SLC2A13: variants seen among roughly 807,000 people sequenced by gnomAD.
The protein encoded by SLC2A13 is proton myo-inositol cotransporter.
Under a neutral mutation model 64.4 loss-of-function variants are expected in SLC2A13, and 32 were observed. The observed-to-expected ratio is 0.50, with a 90% CI of 0.37 to 0.67. SLC2A13 has a LOEUF of 0.67. Ranked by LOEUF, SLC2A13 falls within the 30% of genes least tolerant of loss-of-function variation. The probability of loss-of-function intolerance (pLI) is 0.00; values close to 1 mark genes in which losing one functional copy is unlikely to be tolerated. For synonymous variants in SLC2A13, 338 were observed against 327.1 expected, an observed-to-expected ratio of 1.03 and a Z score of -0.36; for missense variants, 743 against 829.2, an observed-to-expected ratio of 0.90 and a Z score of 1.28.
intron 4 of SLC2A13, among the ~76,000 whole-genome samples, chr12:39,912,355 G>C (rs1308515334): frequency 6.6e-6 from 1 of 151,928 alleles, no homozygotes; most frequent in Non-Finnish European, 1.5e-5. Flanking sequence ...GGACAAGAAG[G>C]AAAACTACCA....
At chr12:39,805,107 C>T (rs1010412677) in intron 7 of SLC2A13, among the ~76,000 whole-genome samples, 6 of 125,580 alleles carry the variant, frequency 4.8e-5, no homozygotes, top group Non-Finnish European at 1.0e-4. Flanking sequence ...TCAGTGACGA[C>T]AATGGAGGGA....
intron 4 of SLC2A13, among the ~76,000 whole-genome samples, chr12:39,918,020 T>C (rs1242630862): frequency 6.6e-6 from 1 of 152,076 alleles, no homozygotes; most frequent in African/African-American, 2.4e-5. Flanking sequence ...AATGAGGAAA[T>C]GTGCATACAA....
intron 7 of SLC2A13, among the ~76,000 whole-genome samples, chr12:39,799,927 C>G (rs1454991877): frequency 6.6e-6 from 1 of 152,142 alleles, no homozygotes; most frequent in Non-Finnish European, 1.5e-5. Context: ...CTGTCAGAAT[C>G]CTTAGAGTAA....
Position 39,896,084 on chromosome 12 carries a change from A to ATG in SLC2A13, c.1035-24124_1035-24123insCA, listed in dbSNP as rs148438800. Among the ~76,000 whole-genome samples the ATG allele has an allele frequency of 4.2e-3, 5 of 1,202 alleles. 1 individual carries two copies. Among genetic ancestry groups the ATG allele is most frequent in the Admixed American group, 0.021 (3 of 146 alleles). The allele number at this position is 1,202 out of a possible 152,430, so 0.8% of individuals were successfully genotyped here. The stretch of plus-strand genomic sequence containing the variant: ...CATACATATATGTATACACGTGTAC[A>ATG]TATATGTATACACGTGTATACATAT... On this transcript the variant is annotated intron_variant, in intron 4 of 9. Coordinates refer to ENST00000280871, the MANE Select transcript of SLC2A13 (RefSeq NM_052885.4).
chr12:39,901,008 T>A lies in SLC2A13; in HGVS notation c.1035-29047A>T, dbSNP rs1001748717. ...AAACAGAGATATAGATCAATGGAAC[T>A]GAACAGAGCCCTCAGAAATAACACT... On this transcript the variant is annotated intron_variant, in intron 4 of 9. Transcript: ENST00000280871. Among the ~76,000 whole-genome samples the A allele has an allele frequency of 3.3e-5, 5 of 152,144 alleles. No homozygotes were observed. In the Middle Eastern group the frequency reaches 0.01, roughly 310 times the overall value.
intron 6 of SLC2A13, among the ~76,000 whole-genome samples, chr12:39,856,838 C>T (rs904541381): frequency 2.6e-5 from 4 of 152,232 alleles, no homozygotes; most frequent in East Asian, 3.9e-4. Context: ...GAATTGTTTT[C>T]GTTTCATACA....
chr12:39,853,231 G>A (rs1163527027), intron 6 of SLC2A13, among the ~76,000 whole-genome samples: 1 of 152,104 alleles, frequency 6.6e-6, no homozygotes, highest in Non-Finnish European at 1.5e-5. Flanking sequence ...CTCTCTGGGT[G>A]GGGTTCAGGG....
At chr12:40,087,098 C>T (rs1464024655) in intron 1 of SLC2A13, among the ~76,000 whole-genome samples, 1 of 152,192 alleles carries the variant, frequency 6.6e-6, no homozygotes, top group African/African-American at 2.4e-5. Flanking sequence ...CAACCACACA[C>T]ATCCTCCTCA....
chr12:39,888,271 C>G (rs904216659), intron 4 of SLC2A13, among the ~76,000 whole-genome samples: 11 of 152,176 alleles, frequency 7.2e-5, no homozygotes, highest in Admixed American at 6.6e-4. Flanking sequence ...GTCACCCAGG[C>G]TGGAGTGCAG....
intron 3 of SLC2A13, among the ~76,000 whole-genome samples, chr12:40,012,283 A>G (rs558577101): frequency 1.1e-4 from 17 of 152,320 alleles, no homozygotes; most frequent in African/African-American, 4.1e-4. Context: ...GGAGTTTATT[A>G]TATTTTATTA....
At chr12:39,891,134 C>G (rs884866) in intron 4 of SLC2A13, among the ~76,000 whole-genome samples, 74,776 of 148,190 alleles carry the variant, frequency 0.5, 19,256 homozygotes, top group Middle Eastern at 0.57. Flanking sequence ...TTTTTTTTAA[C>G]ATTTAATTTT....
intron 4 of SLC2A13, among the ~76,000 whole-genome samples, chr12:39,935,540 T>C (rs1455035248): frequency 6.6e-6 from 1 of 152,178 alleles, no homozygotes; most frequent in African/African-American, 2.4e-5. Context: ...ATCTAGCTGG[T>C]TCTCCCTGGG....
chr12:39,761,977 G>C (rs73095648), intron 9 of SLC2A13, among the ~76,000 whole-genome samples: 2,865 of 152,162 alleles, frequency 0.019, 84 homozygotes, highest in African/African-American at 0.063. Flanking sequence ...CATTTGTTGG[G>C]TTAGGAAGAT....
intron 1 of SLC2A13, among the ~76,000 whole-genome samples, chr12:40,081,438 G>C (rs2136284218): frequency 6.6e-6 from 1 of 152,218 alleles, no homozygotes; most frequent in East Asian, 1.9e-4. Flanking sequence ...CAAAGAACTG[G>C]TCTTCAAGCT....
intron 7 of SLC2A13, among the ~76,000 whole-genome samples, chr12:39,780,150 A>C (rs1400751964): frequency 6.6e-6 from 1 of 152,234 alleles, no homozygotes; most frequent in Non-Finnish European, 1.5e-5. Context: ...ATATTACTTC[A>C]TTTAAATCTG....
intron 3 of SLC2A13, among the ~76,000 whole-genome samples, chr12:39,962,399 C>G (rs935867791): frequency 1.3e-5 from 2 of 152,200 alleles, no homozygotes; most frequent in African/African-American, 4.8e-5. Flanking sequence ...CCATGGGTTA[C>G]TCTTGAAGGC....
At chr12:39,874,795 G>A (rs1944142101) in intron 4 of SLC2A13, among the ~76,000 whole-genome samples, 2 of 152,142 alleles carry the variant, frequency 1.3e-5, no homozygotes, top group African/African-American at 4.8e-5. Context: ...TCTGTTCTAT[G>A]AAGACATTAC....
intron 1 of SLC2A13, among the ~76,000 whole-genome samples, chr12:40,079,978 C>T (rs1210715011): frequency 6.6e-6 from 1 of 152,144 alleles, no homozygotes; most frequent in Non-Finnish European, 1.5e-5. Context: ...ATTACCATGC[C>T]TCAGCCTCCC....
At position 39,929,819 on chromosome 12, in the gene SLC2A13, C is replaced by T. The variant is rs115341133; in HGVS notation, c.1034+21438G>A. On this transcript the variant is annotated intron_variant, in intron 4 of 9. Coordinates refer to ENST00000280871, the MANE Select transcript of SLC2A13 (RefSeq NM_052885.4). ...AAGAATTAGTGAGGGGTACACTGAA[C>T]ACTGAGCAAGTTAAAGAATGCGGCA... Among the ~76,000 whole-genome samples, 284 of 152,202 alleles carry T rather than the reference C, an allele frequency of 1.9e-3. 2 individuals carry two copies. Among genetic ancestry groups the T allele is most frequent in the African/African-American group, 6.3e-3 (261 of 41,544 alleles).
Sources: allele counts gnomAD v4.1 joint callset (sites outside exome capture counted in the v4.1 genomes callset), GRCh38; gene constraint gnomAD v4.1.1; transcripts MANE v1.5; gene names NCBI Gene and HGNC (gene_info 2026-07-23, HGNC 2026-07-21).